SCMH1: variants seen among roughly 807,000 people sequenced by gnomAD.
The protein encoded by SCMH1 is Scm polycomb group protein homolog 1.
A neutral mutation model predicts 70.8 loss-of-function variants in SCMH1; 37 were observed. The observed-to-expected ratio is 0.52, with a 90% confidence interval of 0.40 to 0.69. The LOEUF (loss-of-function observed/expected upper bound fraction) is 0.69. Ranked by LOEUF, SCMH1 falls within the 30% of genes least tolerant of loss-of-function variation. The pLI, the probability that SCMH1 is intolerant of heterozygous loss-of-function variation, is 0.00. For synonymous variants in SCMH1, 292 were observed against 307.4 expected (o/e 0.95, Z 0.52); for missense variants, 607 against 827.3 (o/e 0.73, Z 3.27).
At position 41,189,438 on chromosome 1, in the gene SCMH1, C is replaced by A. The variant is rs146868410; in HGVS notation, c.-117-3188G>T. ...AGTGATGGGATTACAAGGCACGAGC[C>A]ACTGCGCCCAGCCGAGTATTTCCAG... On this transcript the variant is annotated intron_variant, in intron 1 of 14. Transcript: ENST00000337495. Among the ~76,000 whole-genome samples the A allele has an allele frequency of 5.1e-4, 78 of 152,320 alleles. No homozygotes were observed. The East Asian group carries it at 0.01, about 20-fold the overall frequency.
chr1:41,119,372 C>T (rs745823587), intron 6 of SCMH1, among the ~76,000 whole-genome samples: 1 of 151,860 alleles, frequency 6.6e-6, no homozygotes, highest in Non-Finnish European at 1.5e-5. Flanking sequence ...GTGGACTTTC[C>T]TATCACTCAA....
At chr1:41,169,590 CGTT>C (rs901648300) in intron 2 of SCMH1, among the ~76,000 whole-genome samples, 5 of 152,026 alleles carry the variant, frequency 3.3e-5, no homozygotes, top group East Asian at 1.9e-4. Context: ...TTGGGACACT[CGTT>C]GTGTGGACAT....
intron 8 of SCMH1, among the ~76,000 whole-genome samples, chr1:41,107,396 T>C (rs1284790547): frequency 6.6e-6 from 1 of 151,944 alleles, no homozygotes; most frequent in Non-Finnish European, 1.5e-5. Context: ...TAGTTAGAAT[T>C]TGAATAAATG....
At chr1:41,224,248 A>T (rs369056882) in intron 1 of SCMH1, among the ~76,000 whole-genome samples, 40 of 152,164 alleles carry the variant, frequency 2.6e-4, no homozygotes, top group African/African-American at 9.4e-4. Context: ...GCTATACTGT[A>T]TTATAATTTA....
chr1:41,075,064 G>A (rs12402055), intron 9 of SCMH1, among the ~76,000 whole-genome samples, 155 bp downstream of exon 9: 2,239 of 152,198 alleles, frequency 0.015, 52 homozygotes, highest in Admixed American at 0.058. Context: ...GGGTTTCATC[G>A]TGTTAGCCAG....
intron 6 of SCMH1, among the ~76,000 whole-genome samples, chr1:41,121,139 A>C (rs1343812812): frequency 6.6e-6 from 1 of 152,188 alleles, no homozygotes; most frequent in Non-Finnish European, 1.5e-5. Flanking sequence ...ATAAGAATCA[A>C]TGGGTTGTTC....
intron 1 of SCMH1, among the ~76,000 whole-genome samples, chr1:41,207,729 A>C (rs1351898868): frequency 1.9e-4 from 29 of 152,244 alleles, no homozygotes; most frequent in Admixed American, 1.9e-3. Context: ...AATCAACAGA[A>C]TATACATTCT....
rs75921090 is a variant in SCMH1 at position 41,104,495 on chromosome 1, A to T, written c.745+8788T>A. Among the ~76,000 whole-genome samples the T allele has an allele frequency of 1.3e-3, 204 of 152,346 alleles. 3 individuals carry two copies. The East Asian group carries it at 0.036, about 27-fold the overall frequency. On this transcript the variant is annotated intron_variant, in intron 8 of 14. Transcript: ENST00000337495. ...GCTTTGATTTGCAATCTTTCAACAC[A>T]AATAAATGATAAATGTTTGTGGTGA...
intron 6 of SCMH1, among the ~76,000 whole-genome samples, chr1:41,121,216 G>C (rs1002221323): frequency 1.3e-5 from 2 of 152,216 alleles, no homozygotes; most frequent in Non-Finnish European, 2.9e-5. Context: ...GCAGGAGTTA[G>C]ATAAACATTG....
intron 8 of SCMH1, among the ~76,000 whole-genome samples, chr1:41,089,209 C>A (rs1224475366): frequency 6.6e-6 from 1 of 152,214 alleles, no homozygotes; most frequent in Admixed American, 6.5e-5. Context: ...AGAAATTTCC[C>A]TTAAACTTCT....
At chr1:41,089,783 GTC>G (rs753032777) in intron 8 of SCMH1, among the ~76,000 whole-genome samples, 1 of 50,968 alleles carries the variant, frequency 2.0e-5, no homozygotes, top group Non-Finnish European at 3.5e-5. Flanking sequence ...TAACCATGTT[GTC>G]TCTTTTTTTT....
intron 1 of SCMH1, among the ~76,000 whole-genome samples, chr1:41,196,488 C>T (rs937835796): frequency 2.6e-5 from 4 of 152,050 alleles, no homozygotes; most frequent in South Asian, 2.1e-4. Context: ...ACTGAATATC[C>T]AGATGCAGGA....
chr1:41,080,503 G>A (rs1409578134), intron 8 of SCMH1, among the ~76,000 whole-genome samples: 1 of 151,730 alleles, frequency 6.6e-6, no homozygotes, highest in East Asian at 1.9e-4. Context: ...ATTAAATCTA[G>A]GTCTCTCTCT....
At position 41,140,379 on chromosome 1, in the gene SCMH1, G is replaced by A. The variant is rs994266853; in HGVS notation, c.412+2499C>T. ...GCAATCCCGGCTCACTGCAACCTTC[G>A]CCTCCCGGGTTCAACTGATTCTCCT... is the stretch of plus-strand genomic sequence containing the variant. On this transcript the variant is annotated intron_variant, in intron 6 of 14. Coordinates refer to ENST00000337495, the Ensembl canonical transcript of SCMH1. Among the ~76,000 whole-genome samples the A allele has an allele frequency of 6.0e-5, 9 of 150,794 alleles. No individual in the cohort carries two copies. The East Asian group carries it at 1.4e-3, about 23-fold the overall frequency.
At chr1:41,065,761 A>G (rs532524724) in intron 10 of SCMH1, among the ~76,000 whole-genome samples, 8 of 152,214 alleles carry the variant, frequency 5.3e-5, no homozygotes, top group Non-Finnish European at 8.8e-5. Context: ...GAACATTCAC[A>G]TGTAAAAAAG....
chr1:41,117,966 G>A lies in SCMH1; in HGVS notation c.413-956C>T, dbSNP rs186682763. Among the ~76,000 whole-genome samples the A allele has an allele frequency of 3.3e-5, 5 of 152,180 alleles. No homozygotes were observed. The East Asian group carries it at 9.7e-4, about 30-fold the overall frequency. On this transcript the variant is annotated intron_variant, in intron 6 of 14. Transcript: ENST00000337495. ...GTCTTGGTGGCAGTGGTCCCCCTGG[G>A]CCCAGCTGTCTTTTATCTCTTCGTC...
At chr1:41,177,461 G>A (rs200812103) in intron 2 of SCMH1, among the ~76,000 whole-genome samples, 1 of 152,084 alleles carries the variant, frequency 6.6e-6, no homozygotes, top group South Asian at 2.1e-4. Flanking sequence ...GAGGAAGTTC[G>A]AACCCATGGC....
At chr1:41,143,196 G>T in intron 5 of SCMH1, 84 bp from the exon 6 acceptor site, 1 of 979,326 alleles carries the variant, frequency 1.0e-6, no homozygotes, top group Non-Finnish European at 1.6e-6. Flanking sequence ...GGTTATAGCT[G>T]GGCCAGGGAC....
chr1:41,176,073 C>G (rs1647099213), intron 2 of SCMH1, among the ~76,000 whole-genome samples: 1 of 150,548 alleles, frequency 6.6e-6, no homozygotes, highest in Non-Finnish European at 1.5e-5. Context: ...CAAATAGAAA[C>G]CAGGCTGAAA....
Sources: allele counts gnomAD v4.1 joint callset (sites outside exome capture counted in the v4.1 genomes callset), GRCh38; gene constraint gnomAD v4.1.1; transcripts MANE v1.5; gene names NCBI Gene and HGNC (gene_info 2026-07-23, HGNC 2026-07-21).